Variants in ABTB2 observed in about 807,000 individuals in gnomAD.
The protein encoded by ABTB2 is ankyrin repeat and BTB/POZ domain-containing protein 2.
In ABTB2, 56 loss-of-function variants were observed where a neutral mutation model predicts 104.1. The observed-to-expected ratio is 0.54, with a 90% CI of 0.43 to 0.67. The LOEUF is 0.67. Ranked by LOEUF, ABTB2 falls within the 30% of genes least tolerant of loss-of-function variation. The pLI is 0.00. For synonymous variants in ABTB2, 606 were observed against 608.2 expected (o/e 1.00, Z 0.05); for missense variants, 1,279 against 1,407.7 (o/e 0.91, Z 1.46).
intron 1 of ABTB2, among the ~76,000 whole-genome samples, chr11:34,253,050 T>G (rs911909595): frequency 6.6e-6 from 1 of 152,182 alleles, no homozygotes; most frequent in Non-Finnish European, 1.5e-5. Context: ...TCAGTCCAAG[T>G]GATCTCCTCA....
chr11:34,215,926 G>C (rs1292998457), intron 1 of ABTB2, among the ~76,000 whole-genome samples: 1 of 152,126 alleles, frequency 6.6e-6, no homozygotes, highest in Non-Finnish European at 1.5e-5. Flanking sequence ...TTTTCTTAAA[G>C]GCCACTAGGA....
Position 34,160,889 on chromosome 11 carries a change from C to T in ABTB2, c.2397+14G>A, listed in dbSNP as rs771241537. 7.5e-6 allele frequency: 12 copies of T among 1,589,878 alleles called. No individual in the cohort carries two copies. The highest frequency in any genetic ancestry group is 8.6e-6 in the Non-Finnish European group (10 of 1,166,090). On this transcript the variant is annotated intron_variant, in intron 11 of 16. Coordinates refer to ENST00000435224, the MANE Select transcript of ABTB2 (RefSeq NM_145804.3). ...GGGCCGTGGGCTTGGGAACTGGCCACTGGCCACACTTACTTTGCTGGTCTT... is the reference window on the plus strand; with the variant it reads ...GGGCCGTGGGCTTGGGAACTGGCCATTGGCCACACTTACTTTGCTGGTCTT...
intron 1 of ABTB2, among the ~76,000 whole-genome samples, chr11:34,307,932 C>T (rs991272619): frequency 2.0e-5 from 3 of 152,174 alleles, no homozygotes; most frequent in Non-Finnish European, 4.4e-5. Flanking sequence ...CTCCTGACCT[C>T]GTGACTGCCT....
chr11:34,163,740 G>A (rs1852755083), intron 9 of ABTB2, among the ~76,000 whole-genome samples: 1 of 152,214 alleles, frequency 6.6e-6, no homozygotes, highest in Non-Finnish European at 1.5e-5. Flanking sequence ...GCTAGTTCAG[G>A]CAGTTTACAG....
chr11:34,311,533 G>A (rs1277408796), intron 1 of ABTB2, among the ~76,000 whole-genome samples: 2 of 152,168 alleles, frequency 1.3e-5, no homozygotes, highest in East Asian at 3.9e-4. Flanking sequence ...AGCGCCTCAC[G>A]TAAATAGAAA....
In ABTB2 at chr11:34,197,419, G is replaced by A. The variant is rs1385754675; in HGVS notation, c.1150C>T (p.Leu384Phe). ...CGCAGAAAGTAGTAGAGCGTGTGGA[G>A]GGCGTCGGGGGACCAAGTGATGGGC... ...PQPITWSPDA[L>F]HTLYYFLRCP... Residue 384 changes from leucine (L) to phenylalanine (F), a missense_variant, in exon 3 of 17, where the codon CTC becomes TTC. Transcript: ENST00000435224. The A allele has an allele frequency of 6.2e-7, 1 of 1,608,594 alleles. No homozygotes were observed.
At chr11:34,153,698 G>A (rs1441402822) in intron 16 of ABTB2, among the ~76,000 whole-genome samples, 1 of 152,218 alleles carries the variant, frequency 6.6e-6, no homozygotes, top group African/African-American at 2.4e-5. Context: ...AAGCCAGGAA[G>A]TAGGGAGGCT....
chr11:34,335,649 A>G (rs1037221420), intron 1 of ABTB2: 25 of 1,438,378 alleles, frequency 1.7e-5, no homozygotes, highest in Non-Finnish European at 2.3e-5. Flanking sequence ...ATTCATTCAC[A>G]TATTGTGTCA....
intron 1 of ABTB2, among the ~76,000 whole-genome samples, chr11:34,214,272 C>T (rs894562288): frequency 6.6e-6 from 1 of 151,962 alleles, no homozygotes; most frequent in African/African-American, 2.4e-5. Flanking sequence ...AAGAGTGGTT[C>T]GCTTGATGCT....
In ABTB2 at chr11:34,357,729, G is replaced by GC; in HGVS notation, c.-147dup. The GC allele has an allele frequency of 2.2e-6, 2 of 911,612 alleles. No homozygotes were observed. The highest frequency in any genetic ancestry group is 3.0e-6 in the Non-Finnish European group (2 of 657,548). 56.5% of individuals were successfully genotyped at this position (911,612 alleles called of 1,614,324 possible). On this transcript the variant is annotated 5_prime_UTR_variant, in exon 1 of 17. Coordinates refer to ENST00000435224, the MANE Select transcript of ABTB2 (RefSeq NM_145804.3). The stretch of plus-strand genomic sequence containing the variant: ...GCGGGGCTCGGCGGCCGCATTGCCT[G>GC]CCCGGAGGCCGCGGGAAGGTGGCCG...
chr11:34,314,266 G>C (rs1325251595), intron 1 of ABTB2, among the ~76,000 whole-genome samples: 4 of 152,184 alleles, frequency 2.6e-5, no homozygotes, highest in Non-Finnish European at 5.9e-5. Flanking sequence ...CAGACTTGAG[G>C]CTGTTCTTCT....
chr11:34,288,805 G>T (rs151010913), intron 1 of ABTB2, among the ~76,000 whole-genome samples: 250 of 152,270 alleles, frequency 1.6e-3, no homozygotes, highest in African/African-American at 5.8e-3. Flanking sequence ...GAAGATACAT[G>T]GAAACGCTCT....
chr11:34,324,848 T>C (rs1389775935), intron 1 of ABTB2, among the ~76,000 whole-genome samples: 1 of 152,218 alleles, frequency 6.6e-6, no homozygotes, highest in South Asian at 2.1e-4. Context: ...GTCAGAGGCC[T>C]ATGTCCCGGC....
chr11:34,160,896 CACTT>C lies in ABTB2; in HGVS notation c.2397+3_2397+6del, dbSNP rs1017007638. 2.5e-6 allele frequency: 4 copies of C among 1,596,878 alleles called. No individual in the cohort carries two copies. Among genetic ancestry groups the C allele is most frequent in the Non-Finnish European group, 3.4e-6 (4 of 1,169,976 alleles). ...GGGCTTGGGAACTGGCCACTGGCCA[CACTT>C]ACTTTGCTGGTCTTGAGGATGTCGA... On this transcript the variant is annotated splice_donor_5th_base_variant and intron_variant, in intron 11 of 16. Coordinates refer to ENST00000435224, the MANE Select transcript of ABTB2 (RefSeq NM_145804.3).
intron 1 of ABTB2, among the ~76,000 whole-genome samples, chr11:34,322,559 A>G (rs1241296174): frequency 2.6e-5 from 4 of 152,224 alleles, no homozygotes; most frequent in Non-Finnish European, 5.9e-5. Flanking sequence ...TAGGTGACAC[A>G]GTGAGACTCC....
intron 3 of ABTB2, among the ~76,000 whole-genome samples, chr11:34,178,039 C>T (rs1347595477): frequency 2.6e-5 from 4 of 152,208 alleles, no homozygotes. Context: ...ATTCTGTGAA[C>T]CCCCAACTCC....
rs1336741962 is a variant in ABTB2, at chr11:34,164,789, G to T, written c.1885C>A (p.Arg629=). ...NYELVSLLLS[R]GADPLLSMLE... is the part of the protein sequence containing the mutation. The stretch of plus-strand genomic sequence containing the variant: ...ATGCTGAGGAGGGGGTCGGCGCCTC[G>T]GCTCAGCAACAAACTGACCAGCTCA... The change falls in exon 9 of 17, where the codon CGA becomes AGA. Residue 629 remains arginine, a synonymous_variant. Transcript: ENST00000435224. 2.5e-6 allele frequency: 4 copies of T among 1,577,606 alleles called. No individual in the cohort carries two copies. Among genetic ancestry groups the T allele is most frequent in the Non-Finnish European group, 3.4e-6 (4 of 1,167,916 alleles).
At chr11:34,283,143 C>A (rs568782100) in intron 1 of ABTB2, among the ~76,000 whole-genome samples, 1 of 149,782 alleles carries the variant, frequency 6.7e-6, no homozygotes, top group South Asian at 2.1e-4. Flanking sequence ...CATTCTCGAT[C>A]TCCTGACCTC....
chr11:34,312,495 T>A (rs1854869043), intron 1 of ABTB2, among the ~76,000 whole-genome samples: 1 of 152,208 alleles, frequency 6.6e-6, no homozygotes, highest in Admixed American at 6.5e-5. Flanking sequence ...TTGACAGGGA[T>A]ACGCAGCTTC....
Sources: gnomAD v4.1 joint callset for allele counts (sites outside exome capture counted in the v4.1 genomes callset) on GRCh38, gnomAD v4.1.1 for gene constraint, MANE v1.5 for transcripts, NCBI Gene and HGNC (gene_info 2026-07-23, HGNC 2026-07-21) for gene names.